Variants in TMEM182 observed in about 807,000 individuals in gnomAD.
The protein encoded by TMEM182 is transmembrane protein 182.
A neutral mutation model predicts 26.8 loss-of-function variants in TMEM182; 20 were observed. The observed-to-expected ratio is 0.75, with a 90% CI of 0.53 to 1.09. The LOEUF (loss-of-function observed/expected upper bound fraction) is 1.09, where lower values mean the gene tolerates loss of function less well. Ranked by LOEUF, TMEM182 falls within the 50% of genes least tolerant of loss-of-function variation. The pLI is 0.00. For missense variants in TMEM182, 277 were observed against 275.5 expected (o/e 1.01, Z -0.04); for synonymous variants, 109 against 102.2 (o/e 1.07, Z -0.40).
intron 3 of TMEM182, among the ~76,000 whole-genome samples, chr2:102,774,258 T>C (rs1390227642): frequency 4.2e-5 from 6 of 142,486 alleles, no homozygotes; most frequent in Non-Finnish European, 7.6e-5. Context: ...TTCTTTTTTT[T>C]TTTTTTTTTT....
At chr2:102,750,701 G>C (rs1294884864) in intron 1 of TMEM182, among the ~76,000 whole-genome samples, 1 of 152,130 alleles carries the variant, frequency 6.6e-6, no homozygotes, top group African/African-American at 2.4e-5. Flanking sequence ...TGATTGCATA[G>C]AACAGTGGTT....
At chr2:102,792,717 C>T (rs768118286) in intron 3 of TMEM182, among the ~76,000 whole-genome samples, 15 of 152,274 alleles carry the variant, frequency 9.9e-5, no homozygotes, top group South Asian at 2.1e-4. Context: ...CACATGGTGA[C>T]GGCACTCAGG....
intron 1 of TMEM182, among the ~76,000 whole-genome samples, chr2:102,748,238 G>A (rs910267417): frequency 1.3e-5 from 2 of 152,200 alleles, no homozygotes; most frequent in Non-Finnish European, 2.9e-5. Context: ...GACACTGATA[G>A]TCTGCCACAG....
chr2:102,813,743 C>A (rs1257230601), intron 4 of TMEM182, among the ~76,000 whole-genome samples: 1 of 152,172 alleles, frequency 6.6e-6, no homozygotes, highest in Admixed American at 6.5e-5. Flanking sequence ...CAGAGCTTTT[C>A]TGTCACTTGT....
At chr2:102,774,258 T>TTTC (rs1369862485) in intron 3 of TMEM182, among the ~76,000 whole-genome samples, 1 of 142,486 alleles carries the variant, frequency 7.0e-6, no homozygotes, top group Non-Finnish European at 1.5e-5. Context: ...TTCTTTTTTT[T>TTTC]TTTTTTTTTT....
At chr2:102,760,889 G>A (rs148005781), upstream of TMEM182, among the ~76,000 whole-genome samples, 199 of 152,146 alleles carry the variant, frequency 1.3e-3, 1 homozygote, top group African/African-American at 4.5e-3. Flanking sequence ...GAGCCACCGC[G>A]CCTGGCCTTA....
upstream of TMEM182, among the ~76,000 whole-genome samples, chr2:102,760,862 G>T (rs1680186427): frequency 6.6e-6 from 1 of 152,102 alleles, no homozygotes; most frequent in Non-Finnish European, 1.5e-5. Flanking sequence ...CTCCCAAAGT[G>T]CTGGGATTAC....
At chr2:102,821,817 T>C (rs575610489), downstream of TMEM182, among the ~76,000 whole-genome samples, 1 of 151,808 alleles carries the variant, frequency 6.6e-6, no homozygotes, top group Non-Finnish European at 1.5e-5. Context: ...TGAAATCCCG[T>C]CTCTACTAAA....
intron 3 of TMEM182, among the ~76,000 whole-genome samples, chr2:102,823,744 A>G (rs1682973133): frequency 6.6e-6 from 1 of 152,262 alleles, no homozygotes; most frequent in South Asian, 2.1e-4. Flanking sequence ...ACCCATTCAA[A>G]TTAGGCCTTA....
At chr2:102,804,342 A>G (rs1682267634) in intron 4 of TMEM182, among the ~76,000 whole-genome samples, 1 of 151,642 alleles carries the variant, frequency 6.6e-6, no homozygotes. Context: ...CCCAAAGTCC[A>G]TTGTATCATT....
chr2:102,779,565 T>C (rs1681071140), intron 3 of TMEM182, among the ~76,000 whole-genome samples: 1 of 152,244 alleles, frequency 6.6e-6, no homozygotes, highest in South Asian at 2.1e-4. Context: ...TTACTCAATC[T>C]TGAAGTTAAC....
At chr2:102,809,046 T>A (rs1481263700) in intron 4 of TMEM182, among the ~76,000 whole-genome samples, 1 of 152,220 alleles carries the variant, frequency 6.6e-6, no homozygotes, top group East Asian at 1.9e-4. Context: ...TTTTACTCTA[T>A]GTAAAGTATA....
chr2:102,744,209 A>G (rs1481921127), intron 1 of TMEM182, among the ~76,000 whole-genome samples: 1 of 152,242 alleles, frequency 6.6e-6, no homozygotes, highest in Admixed American at 6.5e-5. Flanking sequence ...AATAAAAACT[A>G]TACTTTCAGA....
At position 102,772,771 on chromosome 2, in the gene TMEM182, A is replaced by G. The variant is rs138586484; in HGVS notation, c.331+8344A>G. On this transcript the variant is annotated intron_variant, in intron 3 of 4. Transcript: ENST00000412401. ...ACAGTTGTTTTCAAAATGAAAAGAC[A>G]TCATAATACAAATGCTTGGCGGAGT... Among the ~76,000 whole-genome samples, 79 of 152,362 alleles carry G rather than the reference A, an allele frequency of 5.2e-4. 1 individual carries two copies. The highest frequency in any genetic ancestry group is 1.2e-3 in the Admixed American group (18 of 15,308).
chr2:102,758,087 A>G (rs1680100093), upstream of TMEM182, among the ~76,000 whole-genome samples: 1 of 152,120 alleles, frequency 6.6e-6, no homozygotes, highest in South Asian at 2.1e-4. Flanking sequence ...AACCTTATCA[A>G]TGTAAAGATA....
chr2:102,774,324 C>A (rs1463639174), intron 3 of TMEM182, among the ~76,000 whole-genome samples: 1 of 134,952 alleles, frequency 7.4e-6, no homozygotes, highest in Non-Finnish European at 1.5e-5. Context: ...GGTGCTATCT[C>A]AGCTTACTGC....
chr2:102,780,330 C>G (rs1485078686), intron 3 of TMEM182, among the ~76,000 whole-genome samples: 1 of 152,172 alleles, frequency 6.6e-6, no homozygotes, highest in African/African-American at 2.4e-5. Flanking sequence ...CAGGCACCCC[C>G]TAAGCCTCTT....
intron 3 of TMEM182, among the ~76,000 whole-genome samples, chr2:102,785,857 G>A (rs948250018): frequency 6.6e-6 from 1 of 151,930 alleles, no homozygotes; most frequent in African/African-American, 2.4e-5. Flanking sequence ...AAGACTCAGG[G>A]GTCCTAGAAT....
At chr2:102,764,466 C>A in intron 3 of TMEM182, 39 bp downstream of exon 3, 1 of 1,558,902 alleles carries the variant, frequency 6.4e-7, no homozygotes, top group African/African-American at 1.4e-5. Flanking sequence ...CTAAAAGGGT[C>A]TTATCTTTCT....
Sources: gnomAD v4.1 joint callset for allele counts (sites outside exome capture counted in the v4.1 genomes callset) on GRCh38, gnomAD v4.1.1 for gene constraint, MANE v1.5 for transcripts, NCBI Gene and HGNC (gene_info 2026-07-23, HGNC 2026-07-21) for gene names.